The following ARL15 variants were observed in gnomAD, a reference collection of about 807,000 sequenced individuals.
ARL15 encodes the protein ADP-ribosylation factor-like protein 15.
ARL15 carries 19 observed loss-of-function variants against 25.2 expected under a neutral mutation model. That is an observed-to-expected ratio of 0.75 (90% CI 0.53 to 1.10). ARL15 has a LOEUF of 1.10. Among genes scored for constraint, ARL15 ranks in the 50% least tolerant of loss-of-function variants. ARL15 has a pLI of 0.00. For synonymous variants in ARL15, 94 were observed against 86.8 expected (o/e 1.08, Z -0.46); for missense variants, 220 against 246.0 (o/e 0.89, Z 0.71).
At chr5:54,014,789 C>T (rs1749359760) in intron 4 of ARL15, among the ~76,000 whole-genome samples, 2 of 151,738 alleles carry the variant, frequency 1.3e-5, no homozygotes, top group African/African-American at 2.4e-5. Flanking sequence ...GCCTCCCATT[C>T]TTTTTTAACC....
rs1273059606 is a variant in ARL15, at chr5:53,885,991, G to T, written c.*570C>A. The stretch of plus-strand genomic sequence containing the variant: ...GCTCTTCAGAGCCAATTTTACTATG[G>T]CAGGATATTCCTTCCTGATAAGGTG... On this transcript the variant is annotated 3_prime_UTR_variant, in exon 5 of 5. Coordinates refer to ENST00000504924, the MANE Select transcript of ARL15 (RefSeq NM_019087.3). 1 of 151,690 alleles carries T rather than the reference G, an allele frequency of 6.6e-6. No individual in the cohort carries two copies. Among genetic ancestry groups the T allele is most frequent in the East Asian group, 1.9e-4 (1 of 5,182 alleles). The allele number at this position is 151,690 out of a possible 1,614,324, so 9.4% of individuals were successfully genotyped here.
intron 1 of ARL15, among the ~76,000 whole-genome samples, chr5:54,271,083 C>A (rs1198937131): frequency 6.6e-6 from 1 of 152,232 alleles, no homozygotes; most frequent in Non-Finnish European, 1.5e-5. Flanking sequence ...CCCCGGGTTG[C>A]CTGGCCTTCA....
intron 4 of ARL15, among the ~76,000 whole-genome samples, chr5:54,050,347 T>C (rs1370902268): frequency 6.6e-6 from 1 of 152,216 alleles, no homozygotes; most frequent in Non-Finnish European, 1.5e-5. Context: ...GCTGAGCCAA[T>C]CACCCCATTG....
intron 4 of ARL15, among the ~76,000 whole-genome samples, chr5:53,905,547 T>C (rs144476309): frequency 3.9e-5 from 6 of 152,224 alleles, no homozygotes; most frequent in Admixed American, 3.3e-4. Context: ...ATCAAGAAAA[T>C]GTCCTGAGCT....
chr5:54,282,549 G>C (rs1382476995), intron 1 of ARL15: 1 of 985,180 alleles, frequency 1.0e-6, no homozygotes. Context: ...CTGTAAGGCA[G>C]ATACTTTGTC....
At chr5:53,968,115 T>C (rs950510029) in intron 4 of ARL15, among the ~76,000 whole-genome samples, 4 of 152,132 alleles carry the variant, frequency 2.6e-5, no homozygotes, top group African/African-American at 9.7e-5. Context: ...AAGCTGACAT[T>C]AGACTTCTGG....
chr5:54,117,160 C>G (rs545084247), intron 3 of ARL15, among the ~76,000 whole-genome samples: 37 of 152,188 alleles, frequency 2.4e-4, no homozygotes, highest in African/African-American at 8.7e-4. Flanking sequence ...GCAAATATAG[C>G]AGGCAGAGCA....
intron 4 of ARL15, among the ~76,000 whole-genome samples, chr5:53,905,821 T>A (rs571075823): frequency 6.6e-6 from 1 of 152,340 alleles, no homozygotes; most frequent in Non-Finnish European, 1.5e-5. Context: ...TAAGTGTTAA[T>A]AACAAAACAA....
intron 4 of ARL15, among the ~76,000 whole-genome samples, chr5:53,972,365 G>T (rs1747781989): frequency 6.6e-6 from 1 of 151,948 alleles, no homozygotes; most frequent in Non-Finnish European, 1.5e-5. Flanking sequence ...ATTTTAGTTT[G>T]TTCCCCAGTA....
intron 1 of ARL15, among the ~76,000 whole-genome samples, chr5:54,179,192 C>G (rs1754975544): frequency 6.6e-6 from 1 of 152,088 alleles, no homozygotes; most frequent in African/African-American, 2.4e-5. Context: ...AACTTTAGAT[C>G]CATTCTGTGT....
rs567846331 is a variant in ARL15 at position 54,121,761 on chromosome 5, A to G, written c.254-8351T>C. ...TGGCTCTGCCACATATCATCTAAGT[A>G]ACATGAAAACTCCGCTTAATTGTTC... On this transcript the variant is annotated intron_variant, in intron 3 of 4. Coordinates refer to ENST00000504924, the MANE Select transcript of ARL15 (RefSeq NM_019087.3). Among the ~76,000 whole-genome samples the G allele has an allele frequency of 1.9e-4, 29 of 152,312 alleles. 1 individual carries two copies. In the South Asian group the frequency reaches 5.6e-3, roughly 29 times the overall value.
chr5:53,904,405 T>C (rs913803319), intron 4 of ARL15, among the ~76,000 whole-genome samples: 1 of 152,248 alleles, frequency 6.6e-6, no homozygotes, highest in Non-Finnish European at 1.5e-5. Context: ...CTTGAGAATT[T>C]CTATTCCTAT....
At chr5:54,185,670 A>C (rs1303811263) in intron 1 of ARL15, among the ~76,000 whole-genome samples, 4 of 152,226 alleles carry the variant, frequency 2.6e-5, no homozygotes, top group Non-Finnish European at 5.9e-5. Flanking sequence ...GAAAATAGGG[A>C]TCATCTCACA....
chr5:54,181,277 T>C (rs1381594775), intron 1 of ARL15, among the ~76,000 whole-genome samples: 2 of 152,182 alleles, frequency 1.3e-5, no homozygotes, highest in Non-Finnish European at 2.9e-5. Flanking sequence ...AAAAAATCAA[T>C]TTTTATAAAA....
At chr5:54,112,029 T>C (rs1752755864) in intron 4 of ARL15, among the ~76,000 whole-genome samples, 1 of 152,166 alleles carries the variant, frequency 6.6e-6, no homozygotes, top group African/African-American at 2.4e-5. Context: ...TTTCAAACTC[T>C]ATTCTTTAAA....
chr5:53,951,674 A>G (rs1173754021), intron 4 of ARL15: 1 of 396,398 alleles, frequency 2.5e-6, no homozygotes, highest in Non-Finnish European at 4.9e-6. Context: ...ACCACTAAAA[A>G]TATCAGTAAA....
intron 4 of ARL15, among the ~76,000 whole-genome samples, chr5:54,032,240 T>G (rs1403065168): frequency 6.6e-6 from 1 of 151,956 alleles, no homozygotes; most frequent in African/African-American, 2.4e-5. Flanking sequence ...TTCTTCTTCT[T>G]ATTTTTTTTT....
chr5:53,905,122 T>C (rs1282521281), intron 4 of ARL15, among the ~76,000 whole-genome samples: 1 of 152,076 alleles, frequency 6.6e-6, no homozygotes, highest in Admixed American at 6.5e-5. Flanking sequence ...AAATTTCCAG[T>C]CACACTTTTC....
chr5:54,252,090 G>A (rs17512714), intron 1 of ARL15, among the ~76,000 whole-genome samples: 7,886 of 152,264 alleles, frequency 0.052, 292 homozygotes, highest in Non-Finnish European at 0.071. Context: ...TGCAGACTAG[G>A]ATCAAAGGGC....
Sources: gnomAD v4.1 joint callset for allele counts (sites outside exome capture counted in the v4.1 genomes callset) on GRCh38, gnomAD v4.1.1 for gene constraint, MANE v1.5 for transcripts, NCBI Gene and HGNC (gene_info 2026-07-23, HGNC 2026-07-21) for gene names.